Variants in SHC2 observed in about 807,000 individuals in gnomAD.
The protein encoded by SHC2 is SHC-transforming protein 2.
SHC2 carries 62 observed loss-of-function variants against 60.6 expected under a neutral mutation model. The ratio of observed to expected loss-of-function variants is 1.02; its 90% CI spans 0.83 to 1.26. The LOEUF is 1.26. Ranked by LOEUF, SHC2 falls within the 50% of genes most tolerant of loss-of-function variation. The pLI is 0.00. For synonymous variants in SHC2, 375 were observed against 372.4 expected (o/e 1.01, Z -0.08); for missense variants, 873 against 822.2 (o/e 1.06, Z -0.76).
intron 1 of SHC2, among the ~76,000 whole-genome samples, chr19:460,297 C>A (rs1309149924): frequency 6.6e-6 from 1 of 151,922 alleles, no homozygotes; most frequent in African/African-American, 2.4e-5. Flanking sequence ...GCCCCTCCCC[C>A]GCCGCCCTCT....
chr19:456,573 AC>A (rs1046628331), intron 1 of SHC2, among the ~76,000 whole-genome samples: 3 of 145,032 alleles, frequency 2.1e-5, no homozygotes, highest in Non-Finnish European at 4.5e-5. Context: ...ACTTAAAACC[AC>A]CCCCACTCCT....
chr19:419,424 G>A, intron 11 of SHC2: 1 of 181,108 alleles, frequency 5.5e-6, no homozygotes, highest in Non-Finnish European at 1.1e-5. Context: ...ATGAGCCAGG[G>A]GGGCCCTAAG....
At chr19:417,345 A>C (rs1974175784) in intron 12 of SHC2, 23 bp from the exon 13 acceptor site, 1 of 152,568 alleles carries the variant, frequency 6.6e-6, no homozygotes, top group Non-Finnish European at 1.5e-5. Context: ...AGAGAAGGCG[A>C]GGTCAGGGCT....
chr19:418,317 C>T (rs116265496), intron 12 of SHC2, among the ~76,000 whole-genome samples: 1 of 152,246 alleles, frequency 6.6e-6, no homozygotes. Context: ...GACCAGGTGA[C>T]GCCCACCACA....
In SHC2 at chr19:425,712, T is replaced by A. The variant is rs564784281; in HGVS notation, c.1175-481A>T. On this transcript the variant is annotated intron_variant, in intron 9 of 12. Transcript: ENST00000264554. The surrounding 1 kb of genome is among the most constrained non-coding windows in gnomAD (Gnocchi z 4.1). ...CAGGATTTTCCTTCCTTTCTTTTTT[T>A]AATTGTATTTTGAACGTGTAAAGTG... Among the ~76,000 whole-genome samples the A allele has an allele frequency of 6.6e-6, 1 of 152,320 alleles. No homozygotes were observed. The highest frequency in any genetic ancestry group is 2.4e-5 in the African/African-American group (1 of 41,564).
rs930966309 is a variant in SHC2, at chr19:446,499, C to T, written c.469-5567G>A. On this transcript the variant is annotated intron_variant, in intron 1 of 12. Transcript: ENST00000264554. The surrounding 1 kb of genome is among the most constrained non-coding windows in gnomAD (Gnocchi z 5.4). ...CTAATTTTTGTATTTTTAGTAGAGACGGGGTTTCATCATATTGGCCTCGCT... is the reference window on the plus strand; with the variant it reads ...CTAATTTTTGTATTTTTAGTAGAGATGGGGTTTCATCATATTGGCCTCGCT... 2.3e-4 allele frequency among the ~76,000 whole-genome samples: 35 copies of T among 152,016 alleles called. No individual in the cohort carries two copies. The highest frequency in any genetic ancestry group is 8.4e-4 in the African/African-American group (35 of 41,474).
intron 5 of SHC2, 68 bp from the exon 6 acceptor site, chr19:436,499 A>G: frequency 6.3e-7 from 1 of 1,594,474 alleles, no homozygotes; most frequent in Non-Finnish European, 8.6e-7. Context: ...TGCCCACCCC[A>G]GCAATGCAGA....
Position 441,861 on chromosome 19 carries a change from C to G in SHC2, c.469-929G>C, listed in dbSNP as rs1433505923. 1.3e-5 allele frequency among the ~76,000 whole-genome samples: 2 copies of G among 152,276 alleles called. No homozygotes were observed. Among genetic ancestry groups the G allele is most frequent in the African/African-American group, 4.8e-5 (2 of 41,474 alleles). On this transcript the variant is annotated intron_variant, in intron 1 of 12. Coordinates refer to ENST00000264554, the MANE Select transcript of SHC2 (RefSeq NM_012435.3). This position sits in a 1 kb window ranked among gnomAD's most constrained non-coding sequence, Gnocchi z 4.9. Reference sequence around the variant, plus strand: ...TCTTTAAATGATCAACACGCAAACACTTTGACCCTGCAGCTCCATTTTTAG... The same window carrying G: ...TCTTTAAATGATCAACACGCAAACAGTTTGACCCTGCAGCTCCATTTTTAG...
At chr19:455,576 T>C (rs1368223987) in intron 1 of SHC2, among the ~76,000 whole-genome samples, 1 of 151,828 alleles carries the variant, frequency 6.6e-6, no homozygotes, top group African/African-American at 2.4e-5. Flanking sequence ...TTCTGGGGGG[T>C]TCTGCGATGC....
At position 450,941 on chromosome 19, in the gene SHC2, G is replaced by A. The variant is rs58378383; in HGVS notation, c.468+9588C>T. Among the ~76,000 whole-genome samples the A allele has an allele frequency of 1.3e-3, 187 of 146,690 alleles. 5 individuals are homozygous for A. The highest frequency in any genetic ancestry group is 4.5e-3 in the African/African-American group (175 of 38,476). ...TGCCGTGGCCATGTCATATTTCAGC[G>A]TGTGGATGGCCATACCATAGCCACG... On this transcript the variant is annotated intron_variant, in intron 1 of 12. Transcript: ENST00000264554.
chr19:417,894 T>C (rs901053808), intron 12 of SHC2, among the ~76,000 whole-genome samples: 3 of 152,062 alleles, frequency 2.0e-5, no homozygotes, highest in Non-Finnish European at 4.4e-5. Context: ...GAGACCGTTG[T>C]CATGGGGACA....
In SHC2 at chr19:422,507, C is replaced by T; in HGVS notation, c.1310-51G>A. 2 of 1,417,564 alleles carry T rather than the reference C, an allele frequency of 1.4e-6. No individual in the cohort carries two copies. The highest frequency in any genetic ancestry group is 2.5e-5 in the East Asian group (1 of 39,958). 87.8% of individuals were successfully genotyped at this position (1,417,564 alleles called of 1,614,324 possible). A position where few individuals can be genotyped will look rare whatever the true frequency, so the allele number is the denominator to read the frequency against. ...GGCAGGCAGGGGGCAAGCAGCTACT[C>T]CTGCCGGGACCAGAGCTGGGAGAAA... On this transcript the variant is annotated intron_variant, in intron 10 of 12. Coordinates refer to ENST00000264554, the MANE Select transcript of SHC2 (RefSeq NM_012435.3). The surrounding 1 kb of genome is among the most constrained non-coding windows in gnomAD (Gnocchi z 5.0).
Position 460,589 on chromosome 19 carries a change from C to T in SHC2, c.408G>A (p.Ala136=), listed in dbSNP as rs1340836644. The T allele has an allele frequency of 7.1e-7, 1 of 1,408,872 alleles. No homozygotes were observed. The allele number at this position is 1,408,872 out of a possible 1,614,324, so 87.3% of individuals were successfully genotyped here. ...IRKGSFIHKP[A]HGWLHPDARV... ...TGGCGTCGGGGTGTAGCCAGCCGTG[C>T]GCGGGTTTGTGGATGAAGCTGCCCT... The change falls in exon 1 of 13, where the codon GCG becomes GCA. Residue 136 remains alanine (A), a synonymous_variant. Coordinates refer to ENST00000264554, the MANE Select transcript of SHC2 (RefSeq NM_012435.3).
rs1371175670 is a variant in SHC2, at chr19:425,821, G to C, written c.1175-590C>G. 6.6e-6 allele frequency among the ~76,000 whole-genome samples: 1 copy of C among 152,078 alleles called. No homozygotes were observed. Among genetic ancestry groups the C allele is most frequent in the Admixed American group, 6.6e-5 (1 of 15,264 alleles). ...AGGTGGGTGAATCATTTGAGGTCAG[G>C]AGTTCGAGACCAGCCTGGCCAACAT... On this transcript the variant is annotated intron_variant, in intron 9 of 12. Transcript: ENST00000264554. This position sits in a 1 kb window ranked among gnomAD's most constrained non-coding sequence, Gnocchi z 4.1.
chr19:425,288 G>A lies in SHC2; in HGVS notation c.1175-57C>T. 1 of 1,287,692 alleles carries A rather than the reference G, an allele frequency of 7.8e-7. No homozygotes were observed. The highest frequency in any genetic ancestry group is 9.9e-7 in the Non-Finnish European group (1 of 1,008,620). 79.8% of individuals were successfully genotyped at this position (1,287,692 alleles called of 1,614,324 possible). On this transcript the variant is annotated intron_variant, in intron 9 of 12. Coordinates refer to ENST00000264554, the MANE Select transcript of SHC2 (RefSeq NM_012435.3). This position sits in a 1 kb window ranked among gnomAD's most constrained non-coding sequence, Gnocchi z 4.1. ...CTGGGAGCCAGGCGAGGGGCTCGCA[G>A]GGAGCAAGGCGGGGTCCCACGAGGA...
intron 1 of SHC2, among the ~76,000 whole-genome samples, chr19:452,569 A>G (rs567811558): frequency 1.6e-3 from 172 of 104,732 alleles, no homozygotes; most frequent in Middle Eastern, 6.9e-3. Context: ...CTTGGGGGGA[A>G]TTCCTGCGTA....
At chr19:427,796 G>T (rs1384870620) in intron 9 of SHC2, among the ~76,000 whole-genome samples, 3 of 103,372 alleles carry the variant, frequency 2.9e-5, no homozygotes, top group Admixed American at 2.0e-4. Context: ...ACAGGGGACG[G>T]CGCACAGCAC....
chr19:450,204 T>A (rs1975146231), intron 1 of SHC2, among the ~76,000 whole-genome samples: 1 of 152,170 alleles, frequency 6.6e-6, no homozygotes, highest in South Asian at 2.1e-4. Context: ...GACACCGAAC[T>A]GTCCCCAGGG....
In SHC2 at chr19:416,667, G is replaced by C. The variant is rs746668269; in HGVS notation, c.*661C>G. On this transcript the variant is annotated 3_prime_UTR_variant, in exon 13 of 13. Coordinates refer to ENST00000264554, the MANE Select transcript of SHC2 (RefSeq NM_012435.3). ...GTCGACAGCTGGGAGGGCAGGACTG[G>C]GGGGAAGCTGCTGGGCGCAGCCCAG... The C allele has an allele frequency of 1.3e-5, 2 of 152,290 alleles. No homozygotes were observed. The highest frequency in any genetic ancestry group is 2.1e-4 in the South Asian group (1 of 4,818). 9.4% of individuals were successfully genotyped at this position (152,290 alleles called of 1,614,324 possible).
Sources: allele counts gnomAD v4.1 joint callset (sites outside exome capture counted in the v4.1 genomes callset), GRCh38; gene constraint gnomAD v4.1.1; non-coding constraint Gnocchi (gnomAD v3.1); transcripts MANE v1.5; gene names NCBI Gene and HGNC (gene_info 2026-07-23, HGNC 2026-07-21).